Variants in ZNF540 observed in about 807,000 individuals in gnomAD.
ZNF540 encodes CTD-3064H18.6.
In ZNF540, 3 loss-of-function variants were observed where a neutral mutation model predicts 11.8. The observed-to-expected ratio is 0.25, with a 90% CI of 0.12 to 0.65. The LOEUF is 0.65. Ranked by LOEUF, ZNF540 falls within the 30% of genes least tolerant of loss-of-function variation. ZNF540 has a pLI of 0.83. For synonymous variants in ZNF540, 247 were observed against 259.0 expected (o/e 0.95, Z 0.45); for missense variants, 709 against 793.1 (o/e 0.89, Z 1.27).
chr19:37,552,356 T>C (rs2042614677), intron 1 of ZNF540, among the ~76,000 whole-genome samples: 1 of 152,210 alleles, frequency 6.6e-6, no homozygotes, highest in African/African-American at 2.4e-5. Flanking sequence ...TTAGGTGGAC[T>C]AGTCTATAAG....
intron 1 of ZNF540, chr19:37,564,710 A>C (rs4802029): frequency 6.2e-7 from 1 of 1,613,518 alleles, no homozygotes; most frequent in Non-Finnish European, 8.5e-7. Flanking sequence ...ATGCAGAGTA[A>C]GTTCTGAGCC....
chr19:37,566,142 A>C (rs372150808), intron 1 of ZNF540: 6 of 1,613,976 alleles, frequency 3.7e-6, no homozygotes, highest in Non-Finnish European at 8.5e-7. Flanking sequence ...TGACCCTCTA[A>C]GTTGCCTTTG....
intron 4 of ZNF540, 37 bp downstream of exon 4, chr19:37,601,142 A>C: frequency 6.5e-7 from 1 of 1,528,864 alleles, no homozygotes; most frequent in Non-Finnish European, 8.9e-7. Context: ...GGAAGCCCTC[A>C]TTGCCAGTCA....
chr19:37,568,270 A>C (rs1182599656), intron 1 of ZNF540, among the ~76,000 whole-genome samples: 1 of 151,966 alleles, frequency 6.6e-6, no homozygotes, highest in African/African-American at 2.4e-5. Context: ...TTGAGAAAAC[A>C]CACTTTTGCT....
At chr19:37,589,748 C>T (rs1218804932) in intron 1 of ZNF540, among the ~76,000 whole-genome samples, 3 of 150,384 alleles carry the variant, frequency 2.0e-5, no homozygotes, top group Non-Finnish European at 4.4e-5. Context: ...CATCTGTAAT[C>T]CCAGCTACTT....
intron 1 of ZNF540, chr19:37,564,619 TTGAG>T (rs765606452): frequency 2.3e-5 from 36 of 1,546,616 alleles, no homozygotes; most frequent in Non-Finnish European, 2.4e-5. Context: ...GCCTTGTATG[TTGAG>T]TAAGTTGTGA....
chr19:37,572,855 A>C (rs2043111720), intron 1 of ZNF540, among the ~76,000 whole-genome samples: 1 of 152,248 alleles, frequency 6.6e-6, no homozygotes, highest in African/African-American at 2.4e-5. Flanking sequence ...ATTTGCCACC[A>C]GCCTATTTCC....
chr19:37,584,912 C>T (rs1027997356), intron 1 of ZNF540, among the ~76,000 whole-genome samples: 28 of 146,440 alleles, frequency 1.9e-4, no homozygotes, highest in African/African-American at 6.4e-4. Context: ...TGCAGTGAGC[C>T]GAGATTGCGC....
chr19:37,586,722 G>A, intron 1 of ZNF540: 3 of 1,612,724 alleles, frequency 1.9e-6, no homozygotes, highest in Non-Finnish European at 2.5e-6. Context: ...TCCTGGAGGT[G>A]TGCAAAGTCC....
rs77781235 is a variant in ZNF540 at position 37,612,550 on chromosome 19, G to A, written c.1270G>A (p.Gly424Ser). The change falls in exon 5 of 5, where the codon GGT becomes AGT. Residue 424 changes from glycine (G) to serine (S), a missense_variant. Coordinates refer to ENST00000316433, the MANE Select transcript of ZNF540 (RefSeq NM_001172225.3). Reference sequence around the variant, plus strand: ...GTGTGAGAAGGCTTTTAGTTATAGTGGTGACCTCAGAGTACATTCTAGAAT... The same window carrying A: ...GTGTGAGAAGGCTTTTAGTTATAGTAGTGACCTCAGAGTACATTCTAGAAT... ...KVCEKAFSYS[G>S]DLRVHSRIHT... The A allele has an allele frequency of 1.2e-6, 2 of 1,614,030 alleles. No individual in the cohort carries two copies. Among genetic ancestry groups the A allele is most frequent in the African/African-American group, 2.7e-5 (2 of 75,002 alleles).
At chr19:37,561,804 T>G (rs1218650816) in intron 1 of ZNF540, among the ~76,000 whole-genome samples, 7 of 152,240 alleles carry the variant, frequency 4.6e-5, no homozygotes, top group Admixed American at 4.6e-4. Flanking sequence ...TCCTTTAAAT[T>G]TATAATTTTG....
chr19:37,563,690 G>A (rs1219845497), intron 1 of ZNF540: 1 of 151,244 alleles, frequency 6.6e-6, no homozygotes, highest in Admixed American at 6.6e-5. Context: ...CACGTGGAAT[G>A]TATACATATG....
At chr19:37,598,996 T>G (rs868244566) in intron 2 of ZNF540, among the ~76,000 whole-genome samples, 21 of 152,094 alleles carry the variant, frequency 1.4e-4, no homozygotes, top group African/African-American at 4.8e-4. Context: ...ATATTCTTAA[T>G]CTCAAGAAAA....
At chr19:37,568,378 C>T (rs575862358) in intron 1 of ZNF540, among the ~76,000 whole-genome samples, 3 of 149,722 alleles carry the variant, frequency 2.0e-5, no homozygotes, top group African/African-American at 7.4e-5. Flanking sequence ...ATGTCAGCAA[C>T]ACATCCTAGA....
At chr19:37,564,401 A>G (rs2042774178) in intron 1 of ZNF540, 1 of 415,498 alleles carries the variant, frequency 2.4e-6, no homozygotes, top group Non-Finnish European at 4.2e-6. Context: ...AATAAAGGAT[A>G]TAATTCAGCA....
intron 1 of ZNF540, chr19:37,586,755 G>GA: frequency 6.6e-7 from 1 of 1,511,306 alleles, no homozygotes; most frequent in Non-Finnish European, 9.1e-7. Flanking sequence ...GCTGGACAAG[G>GA]AAAAGAAGCC....
intron 1 of ZNF540, chr19:37,575,509 C>T (rs1301424032): frequency 6.6e-6 from 1 of 152,202 alleles, no homozygotes; most frequent in East Asian, 1.9e-4. Flanking sequence ...TTACCGCCAA[C>T]AGGATTTCTT....
intron 1 of ZNF540, among the ~76,000 whole-genome samples, chr19:37,597,225 G>A (rs1309805635): frequency 6.6e-6 from 1 of 152,000 alleles, no homozygotes; most frequent in African/African-American, 2.4e-5. Context: ...TGGGTACTGA[G>A]GGAGAAGGGA....
intron 1 of ZNF540, among the ~76,000 whole-genome samples, chr19:37,574,397 T>C (rs886143260): frequency 2.0e-5 from 3 of 152,232 alleles, no homozygotes; most frequent in Non-Finnish European, 2.9e-5. Flanking sequence ...TTCAATTGAA[T>C]GTCTTGCAAT....
Sources: gnomAD v4.1 joint callset for allele counts (sites outside exome capture counted in the v4.1 genomes callset) on GRCh38, gnomAD v4.1.1 for gene constraint, MANE v1.5 for transcripts, NCBI Gene and HGNC (gene_info 2026-07-23, HGNC 2026-07-21) for gene names.